TASP1: variants seen among roughly 807,000 people sequenced by gnomAD.
The protein encoded by TASP1 is taspase 1.
TASP1 carries 16 observed loss-of-function variants against 56.6 expected under a neutral mutation model. That is an observed-to-expected ratio of 0.28 (90% confidence interval 0.19 to 0.43). The LOEUF (loss-of-function observed/expected upper bound fraction) is 0.43. Ranked by LOEUF, TASP1 falls within the 20% of genes least tolerant of loss-of-function variation. The pLI, the probability that TASP1 is intolerant of heterozygous loss-of-function variation, is 1.00. For synonymous variants in TASP1, 179 were observed against 184.2 expected (o/e 0.97, Z 0.23); for missense variants, 393 against 511.6 (o/e 0.77, Z 2.24).
intron 4 of TASP1, among the ~76,000 whole-genome samples, chr20:13,615,400 C>T (rs1234824145): frequency 6.6e-6 from 1 of 151,186 alleles, no homozygotes; most frequent in Non-Finnish European, 1.5e-5. Context: ...AAGCTGATTT[C>T]TATAGTGAGG....
downstream of TASP1, among the ~76,000 whole-genome samples, chr20:13,387,966 C>T (rs182123537): frequency 1.5e-4 from 23 of 152,336 alleles, no homozygotes; most frequent in Admixed American, 3.3e-4. Context: ...CTCTTGTCTC[C>T]TCACCAAGCC....
chr20:13,595,002 AG>A (rs1381019214), intron 4 of TASP1, among the ~76,000 whole-genome samples: 2 of 152,230 alleles, frequency 1.3e-5, no homozygotes, highest in Non-Finnish European at 2.9e-5. Flanking sequence ...CACAAAGGGA[AG>A]CCCATCAGAC....
intron 13 of TASP1, among the ~76,000 whole-genome samples, chr20:13,409,732 C>CAT (rs2042036081): frequency 6.6e-6 from 1 of 152,064 alleles, no homozygotes; most frequent in Admixed American, 6.6e-5. Flanking sequence ...GTATGGGATA[C>CAT]ATGTGATACT....
At chr20:13,234,934 G>A in the TASP1 span, among the ~76,000 whole-genome samples, 1 of 152,114 alleles carries the variant, frequency 6.6e-6, no homozygotes, top group Admixed American at 6.6e-5. Context: ...TTTTGACAAG[G>A]TCCCCAGATT....
At chr20:13,106,849 G>T in the TASP1 span, among the ~76,000 whole-genome samples, 1 of 152,166 alleles carries the variant, frequency 6.6e-6, no homozygotes, top group Non-Finnish European at 1.5e-5. Context: ...TCTAGGTTTG[G>T]AACTAGCAAA....
At chr20:13,338,261 T>C in the TASP1 span, among the ~76,000 whole-genome samples, 3 of 152,232 alleles carry the variant, frequency 2.0e-5, no homozygotes, top group African/African-American at 4.8e-5. Flanking sequence ...TGACCTGCCA[T>C]GGCATTTGTA....
chr20:13,540,360 C>G (rs1438846981), intron 8 of TASP1, among the ~76,000 whole-genome samples: 1 of 152,194 alleles, frequency 6.6e-6, no homozygotes, highest in East Asian at 1.9e-4. Flanking sequence ...TAAATATAAA[C>G]CTACCTATGA....
chr20:13,119,256 G>A, the TASP1 span, among the ~76,000 whole-genome samples: 2 of 152,114 alleles, frequency 1.3e-5, no homozygotes, highest in African/African-American at 4.8e-5. Context: ...TGAATAAACC[G>A]AAGCAAGCCA....
chr20:13,283,596 G>A, the TASP1 span, among the ~76,000 whole-genome samples: 1 of 152,206 alleles, frequency 6.6e-6, no homozygotes, highest in Non-Finnish European at 1.5e-5. Flanking sequence ...ATGATGCTGT[G>A]AGTCAGCTCA....
At chr20:13,286,944 G>A in the TASP1 span, among the ~76,000 whole-genome samples, 113 of 152,330 alleles carry the variant, frequency 7.4e-4, no homozygotes, top group Non-Finnish European at 1.4e-3. Flanking sequence ...GAAGATCTGG[G>A]TAAACCAGGA....
chr20:13,185,637 T>G, the TASP1 span, among the ~76,000 whole-genome samples: 1 of 152,188 alleles, frequency 6.6e-6, no homozygotes, highest in African/African-American at 2.4e-5. Flanking sequence ...TCCATTGACT[T>G]TATGACAATG....
At chr20:13,432,028 A>C (rs2042828130) in intron 12 of TASP1, among the ~76,000 whole-genome samples, 1 of 152,208 alleles carries the variant, frequency 6.6e-6, no homozygotes, top group Non-Finnish European at 1.5e-5. Flanking sequence ...ATATTCTGTT[A>C]GTTTTAGGTA....
the TASP1 span, among the ~76,000 whole-genome samples, chr20:13,377,115 A>C: frequency 1.3e-5 from 2 of 152,286 alleles, no homozygotes; most frequent in South Asian, 4.1e-4. Flanking sequence ...CCCTGTGTTG[A>C]AAAGGAGTGG....
chr20:13,447,845 T>G (rs2043467617), intron 11 of TASP1, among the ~76,000 whole-genome samples: 1 of 152,174 alleles, frequency 6.6e-6, no homozygotes, highest in Non-Finnish European at 1.5e-5. Context: ...CTTACTAATT[T>G]GCTATACTCT....
the TASP1 span, among the ~76,000 whole-genome samples, chr20:13,125,981 T>A: frequency 1.3e-5 from 2 of 152,204 alleles, no homozygotes; most frequent in Admixed American, 1.3e-4. Flanking sequence ...CTTGCTTCTG[T>A]TCCTTTGTTC....
At chr20:13,277,065 G>C in the TASP1 span, among the ~76,000 whole-genome samples, 1 of 152,208 alleles carries the variant, frequency 6.6e-6, no homozygotes, top group Admixed American at 6.5e-5. Context: ...ATAGCTTTTG[G>C]AGTAAATTTG....
At chr20:13,340,425 C>G in the TASP1 span, among the ~76,000 whole-genome samples, 1 of 151,938 alleles carries the variant, frequency 6.6e-6, no homozygotes, top group Non-Finnish European at 1.5e-5. Flanking sequence ...AGCATTCTAA[C>G]TGATACTCCC....
At chr20:13,194,554 T>A in the TASP1 span, among the ~76,000 whole-genome samples, 1 of 122,888 alleles carries the variant, frequency 8.1e-6, no homozygotes, top group Non-Finnish European at 1.7e-5. Flanking sequence ...TGTGTGTGTG[T>A]GTGTGTGTGT....
intron 7 of TASP1, among the ~76,000 whole-genome samples, chr20:13,559,724 A>G (rs1322452461): frequency 1.3e-5 from 2 of 152,170 alleles, no homozygotes; most frequent in Non-Finnish European, 2.9e-5. Context: ...AGGGTAAAAA[A>G]GTGATCAACA....
Sources: allele counts gnomAD v4.1 joint callset (sites outside exome capture counted in the v4.1 genomes callset), GRCh38; gene constraint gnomAD v4.1.1; transcripts MANE v1.5; gene names NCBI Gene and HGNC (gene_info 2026-07-23, HGNC 2026-07-21).